NALF1: variants seen among roughly 807,000 people sequenced by gnomAD.
NALF1 encodes NALCN channel auxiliary factor 1, also known as family with sequence similarity 155 member A.
In NALF1, 3 loss-of-function variants were observed where a neutral mutation model predicts 48.4. That is an observed-to-expected ratio of 0.06 (90% CI 0.03 to 0.16). The LOEUF is 0.16. NALF1 is among the 10% of genes least tolerant of loss of function. The pLI is 1.00. For synonymous variants in NALF1, 262 were observed against 245.7 expected (o/e 1.07, Z -0.62); for missense variants, 526 against 571.5 (o/e 0.92, Z 0.81).
chr13:107,602,408 A>C (rs987843732), intron 1 of NALF1, among the ~76,000 whole-genome samples: 4 of 151,938 alleles, frequency 2.6e-5, no homozygotes, highest in African/African-American at 9.7e-5. Context: ...TGTCTCTGCC[A>C]CCCCTACTTT....
chr13:107,368,253 G>A (rs1223413378), intron 1 of NALF1, among the ~76,000 whole-genome samples: 1 of 151,864 alleles, frequency 6.6e-6, no homozygotes, highest in African/African-American at 2.4e-5. Flanking sequence ...GGCATATAAT[G>A]CCCTTTGTAT....
At chr13:107,679,125 G>C (rs1389447671) in intron 1 of NALF1, among the ~76,000 whole-genome samples, 1 of 152,024 alleles carries the variant, frequency 6.6e-6, no homozygotes, top group Non-Finnish European at 1.5e-5. Flanking sequence ...TGTAATCTGG[G>C]ATAGCCTCAG....
At chr13:107,807,385 T>G (rs1459951573) in intron 1 of NALF1, among the ~76,000 whole-genome samples, 1 of 152,132 alleles carries the variant, frequency 6.6e-6, no homozygotes, top group African/African-American at 2.4e-5. Context: ...GCTTAACACT[T>G]CAAATAGGGG....
chr13:107,183,336 G>C (rs1251974069), intron 2 of NALF1, among the ~76,000 whole-genome samples: 1 of 152,128 alleles, frequency 6.6e-6, no homozygotes, highest in African/African-American at 2.4e-5. Flanking sequence ...TAAAAAGTTA[G>C]GAAACAACAG....
chr13:107,546,420 G>C, intron 1 of NALF1, among the ~76,000 whole-genome samples: 1 of 152,142 alleles, frequency 6.6e-6, no homozygotes, highest in East Asian at 1.9e-4. Flanking sequence ...GACCTCATGG[G>C]TGATATGTCC....
At position 107,389,150 on chromosome 13, in the gene NALF1, T is replaced by C. The variant is rs377129155; in HGVS notation, c.916-178395A>G. On this transcript the variant is annotated intron_variant, in intron 1 of 2. Coordinates refer to ENST00000375915, the MANE Select transcript of NALF1 (RefSeq NM_001080396.3). ...AGTGAGAATGCCACATAATTTACTA[T>C]GTTACACGGCTGCTTCTTCAGCAGT... Among the ~76,000 whole-genome samples the C allele has an allele frequency of 5.3e-5, 8 of 152,312 alleles. 1 individual carries two copies. The South Asian group carries it at 6.2e-4, about 12-fold the overall frequency.
intron 1 of NALF1, among the ~76,000 whole-genome samples, chr13:107,497,347 AAC>A (rs1015450427): frequency 2.9e-4 from 44 of 152,326 alleles, no homozygotes; most frequent in African/African-American, 1.0e-3. Flanking sequence ...AGTCATATAG[AAC>A]ACTATATAAT....
chr13:107,198,449 C>T (rs777570659), intron 2 of NALF1, among the ~76,000 whole-genome samples: 4 of 152,222 alleles, frequency 2.6e-5, no homozygotes, highest in Non-Finnish European at 5.9e-5. Context: ...TAATTATCAT[C>T]CTCTAAATCC....
At chr13:107,273,799 G>C (rs2138866315) in intron 1 of NALF1, among the ~76,000 whole-genome samples, 1 of 152,266 alleles carries the variant, frequency 6.6e-6, no homozygotes, top group South Asian at 2.1e-4. Context: ...TTCTGAGAGA[G>C]AAGAGGGCAC....
intron 1 of NALF1, among the ~76,000 whole-genome samples, chr13:107,229,988 G>A (rs1658159339): frequency 6.6e-6 from 1 of 152,164 alleles, no homozygotes; most frequent in South Asian, 2.1e-4. Context: ...GAGAAGTCCT[G>A]TTGCATATGA....
intron 1 of NALF1, among the ~76,000 whole-genome samples, chr13:107,791,463 C>T (rs2138587398): frequency 6.6e-6 from 1 of 152,236 alleles, no homozygotes; most frequent in South Asian, 2.1e-4. Flanking sequence ...AAGTTTTCCA[C>T]AAGGGCATGT....
At chr13:107,355,566 C>T (rs1278425142) in intron 1 of NALF1, among the ~76,000 whole-genome samples, 2 of 151,982 alleles carry the variant, frequency 1.3e-5, no homozygotes. Context: ...GTGGATCAGG[C>T]TTCCCCCTTG....
At chr13:107,402,091 T>C (rs893372954) in intron 1 of NALF1, among the ~76,000 whole-genome samples, 8 of 150,882 alleles carry the variant, frequency 5.3e-5, no homozygotes, top group African/African-American at 2.0e-4. Context: ...TGGGATGTCC[T>C]TTCCCTTCTT....
intron 1 of NALF1, among the ~76,000 whole-genome samples, chr13:107,591,566 C>T (rs746057772): frequency 6.6e-6 from 1 of 151,976 alleles, no homozygotes; most frequent in African/African-American, 2.4e-5. Flanking sequence ...TTGCCTCCAA[C>T]TGAGTGAAAT....
chr13:107,674,507 T>C (rs9514723), intron 1 of NALF1, among the ~76,000 whole-genome samples: 1 of 152,030 alleles, frequency 6.6e-6, no homozygotes, highest in Non-Finnish European at 1.5e-5. Context: ...TTGACTTCTA[T>C]TGGGAGATTG....
intron 1 of NALF1, among the ~76,000 whole-genome samples, chr13:107,610,465 T>C (rs1346303347): frequency 2.0e-5 from 3 of 152,148 alleles, no homozygotes; most frequent in Non-Finnish European, 2.9e-5. Flanking sequence ...AAAGACAGTA[T>C]GATACAGTGA....
chr13:107,650,744 A>G (rs1482983632), intron 1 of NALF1, among the ~76,000 whole-genome samples: 3 of 152,294 alleles, frequency 2.0e-5, no homozygotes, highest in East Asian at 3.9e-4. Context: ...AAAATAAAAA[A>G]TAAAGAAAGA....
chr13:107,736,781 G>A (rs1876479647), intron 1 of NALF1, among the ~76,000 whole-genome samples: 1 of 152,158 alleles, frequency 6.6e-6, no homozygotes. Context: ...GTGTATAGAG[G>A]CACTGATAGA....
intron 1 of NALF1, chr13:107,788,238 C>G (rs1878130059): frequency 6.6e-6 from 1 of 152,166 alleles, no homozygotes. Context: ...TAACAGCCTC[C>G]CAGTTATTAT....
Sources: gnomAD v4.1 joint callset for allele counts (sites outside exome capture counted in the v4.1 genomes callset) on GRCh38, gnomAD v4.1.1 for gene constraint, MANE v1.5 for transcripts, NCBI Gene and HGNC (gene_info 2026-07-23, HGNC 2026-07-21) for gene names.